Variants in CCDC148 observed in about 807,000 individuals in gnomAD.
The protein encoded by CCDC148 is coiled-coil domain containing 148.
In CCDC148, 89 loss-of-function variants were observed where a neutral mutation model predicts 85.7. The observed-to-expected ratio is 1.04, with a 90% confidence interval of 0.87 to 1.24. The LOEUF is 1.24. Ranked by LOEUF, CCDC148 falls within the 50% of genes most tolerant of loss-of-function variation. CCDC148 has a pLI of 0.00. For synonymous variants in CCDC148, 230 were observed against 213.9 expected, an observed-to-expected ratio of 1.08 and a Z score of -0.66; for missense variants, 692 against 671.7, an observed-to-expected ratio of 1.03 and a Z score of -0.33.
chr2:158,424,020 C>A (rs1235781657), intron 1 of CCDC148, among the ~76,000 whole-genome samples: 1 of 152,162 alleles, frequency 6.6e-6, no homozygotes, highest in Non-Finnish European at 1.5e-5. Flanking sequence ...CAATGAGATA[C>A]TATCTCACAC....
intron 1 of CCDC148, among the ~76,000 whole-genome samples, chr2:158,406,629 T>TTTTTTTTTTTTTTTTTTTTGTTTTTG (rs1686031138): frequency 8.5e-6 from 1 of 117,488 alleles, no homozygotes; most frequent in Non-Finnish European, 1.8e-5. Context: ...TTTTTTTTTT[T>TTTTTTTTTTTTTTTTTTTTGTTTTTG]TTTTTTTTTT....
At chr2:158,434,304 C>G (rs1687528404) in intron 1 of CCDC148, among the ~76,000 whole-genome samples, 1 of 152,168 alleles carries the variant, frequency 6.6e-6, no homozygotes, top group Admixed American at 6.5e-5. Flanking sequence ...CAACATTTGT[C>G]ATTCTGCAAT....
chr2:158,357,520 T>C (rs1683724587), intron 2 of CCDC148, among the ~76,000 whole-genome samples: 1 of 152,200 alleles, frequency 6.6e-6, no homozygotes, highest in South Asian at 2.1e-4. Context: ...AAGTCAGGAA[T>C]ATGAAAAGTT....
intron 10 of CCDC148, among the ~76,000 whole-genome samples, chr2:158,232,627 T>C (rs750027209): frequency 2.6e-5 from 4 of 152,196 alleles, no homozygotes; most frequent in Non-Finnish European, 4.4e-5. Flanking sequence ...TTTGAACAAA[T>C]AGACTTCTGT....
intron 1 of CCDC148, among the ~76,000 whole-genome samples, chr2:158,416,708 G>A (rs72999363): frequency 2.0e-5 from 3 of 151,978 alleles, no homozygotes; most frequent in East Asian, 3.9e-4. Flanking sequence ...TCATCTTTCT[G>A]TCTTCTTCTG....
At chr2:158,208,780 C>T (rs2105289685) in intron 11 of CCDC148, among the ~76,000 whole-genome samples, 1 of 152,224 alleles carries the variant, frequency 6.6e-6, no homozygotes, top group Admixed American at 6.5e-5. Context: ...TTGTGGGCTA[C>T]TCAAATATCT....
At chr2:158,278,445 G>C (rs1310980350) in intron 9 of CCDC148, among the ~76,000 whole-genome samples, 1 of 152,192 alleles carries the variant, frequency 6.6e-6, no homozygotes, top group Non-Finnish European at 1.5e-5. Flanking sequence ...TTTCCGATGG[G>C]CTTAAAAAAT....
chr2:158,175,019 A>T (rs972273085), intron 13 of CCDC148, among the ~76,000 whole-genome samples: 6 of 152,016 alleles, frequency 3.9e-5, no homozygotes, highest in African/African-American at 1.2e-4. Flanking sequence ...AAGACCTACT[A>T]TGCTTTTCAG....
intron 9 of CCDC148, among the ~76,000 whole-genome samples, chr2:158,252,879 T>C (rs916890931): frequency 2.0e-5 from 3 of 151,828 alleles, no homozygotes; most frequent in African/African-American, 7.2e-5. Flanking sequence ...TAGCTTTTTG[T>C]ATGTACACTT....
rs187037816 is a variant in CCDC148, at chr2:158,275,252, C to T, written c.1111-24340G>A. On this transcript the variant is annotated intron_variant, in intron 9 of 13. Coordinates refer to ENST00000283233, the MANE Select transcript of CCDC148 (RefSeq NM_138803.4). ...CTTCTGGCTAGCCAATTTTCTGTGACTCAATGTCCTTACCTGTGGCTTCAG... is the reference window on the plus strand; with the variant it reads ...CTTCTGGCTAGCCAATTTTCTGTGATTCAATGTCCTTACCTGTGGCTTCAG... 4.6e-5 allele frequency among the ~76,000 whole-genome samples: 7 copies of T among 152,322 alleles called. No homozygotes were observed. The East Asian group carries it at 1.2e-3, about 25-fold the overall frequency.
Position 158,225,381 on chromosome 2 carries a change from C to T in CCDC148, c.1252-4668G>A, listed in dbSNP as rs1380772621. On this transcript the variant is annotated intron_variant, in intron 10 of 13. Coordinates refer to ENST00000283233, the MANE Select transcript of CCDC148 (RefSeq NM_138803.4). ...AGAGACTTAAACACTCCACTGTCAA[C>T]ATTAGACAGATCAACGAGACAGAAA... Among the ~76,000 whole-genome samples, 4 of 152,184 alleles carry T rather than the reference C, an allele frequency of 2.6e-5. No individual in the cohort carries two copies. The East Asian group carries it at 7.7e-4, about 29-fold the overall frequency.
intron 1 of CCDC148, among the ~76,000 whole-genome samples, chr2:158,437,713 G>T (rs1228846406): frequency 1.3e-5 from 2 of 152,170 alleles, no homozygotes; most frequent in Admixed American, 1.3e-4. Flanking sequence ...TGACATAATT[G>T]TATATCTAGA....
chr2:158,293,998 CTCCCTCCTTCCT>C (rs1691033633), intron 9 of CCDC148, among the ~76,000 whole-genome samples: 12 of 52,932 alleles, frequency 2.3e-4, no homozygotes, highest in Admixed American at 4.7e-4. Context: ...CCCTCCCTCC[CTCCCTCCTTCCT>C]TCCTTCCTTC....
chr2:158,241,402 C>T (rs996200082), intron 10 of CCDC148, among the ~76,000 whole-genome samples: 1 of 152,084 alleles, frequency 6.6e-6, no homozygotes, highest in Non-Finnish European at 1.5e-5. Flanking sequence ...TTAATAAGAG[C>T]TCCCATTGAC....
chr2:158,318,988 T>C (rs1692408356), intron 7 of CCDC148, among the ~76,000 whole-genome samples: 1 of 152,082 alleles, frequency 6.6e-6, no homozygotes, highest in Admixed American at 6.6e-5. Flanking sequence ...AGGCTGGTCT[T>C]CTTCTGAGCT....
chr2:158,380,173 T>C (rs1446048205), intron 1 of CCDC148, among the ~76,000 whole-genome samples: 1 of 152,114 alleles, frequency 6.6e-6, no homozygotes, highest in Non-Finnish European at 1.5e-5. Context: ...CAAAAAGATA[T>C]ATTTACAAGT....
At chr2:158,265,867 G>C (rs1201455955) in intron 9 of CCDC148, among the ~76,000 whole-genome samples, 2 of 152,084 alleles carry the variant, frequency 1.3e-5, no homozygotes, top group Non-Finnish European at 2.9e-5. Flanking sequence ...AGATCACCCA[G>C]TTGGTTGCCT....
At chr2:158,211,485 A>C (rs576178835) in intron 11 of CCDC148, among the ~76,000 whole-genome samples, 22 of 152,380 alleles carry the variant, frequency 1.4e-4, no homozygotes, top group African/African-American at 5.3e-4. Flanking sequence ...GACCTTTACC[A>C]GACACATACC....
intron 11 of CCDC148, among the ~76,000 whole-genome samples, chr2:158,186,151 A>C (rs1299305587): frequency 1.3e-5 from 2 of 152,172 alleles, no homozygotes; most frequent in East Asian, 3.9e-4. Flanking sequence ...TTGGGATGAT[A>C]CCATCCTGTC....
Sources: allele counts gnomAD v4.1 joint callset (sites outside exome capture counted in the v4.1 genomes callset), GRCh38; gene constraint gnomAD v4.1.1; transcripts MANE v1.5; gene names NCBI Gene and HGNC (gene_info 2026-07-23, HGNC 2026-07-21).